The following AEBP2 variants were observed in gnomAD, a reference collection of about 807,000 sequenced individuals.
The protein encoded by AEBP2 is AE binding protein 2, also known as zinc finger protein AEBP2.
In AEBP2, 10 loss-of-function variants were observed where a neutral mutation model predicts 50.8. The ratio of observed to expected loss-of-function variants is 0.20; its 90% CI spans 0.12 to 0.33. The LOEUF (loss-of-function observed/expected upper bound fraction) is 0.33. Among genes scored for constraint, AEBP2 ranks in the 10% least tolerant of loss-of-function variants. The pLI, the probability that AEBP2 is intolerant of heterozygous loss-of-function variation, is 1.00. For missense variants in AEBP2, 570 were observed against 688.0 expected, an observed-to-expected ratio of 0.83 and a Z score of 1.92; for synonymous variants, 296 against 261.3, an observed-to-expected ratio of 1.13 and a Z score of -1.28.
intron 5 of AEBP2, among the ~76,000 whole-genome samples, chr12:19,510,281 A>G (rs187610059): frequency 1.6e-4 from 24 of 152,324 alleles, no homozygotes; most frequent in African/African-American, 5.8e-4. Context: ...GTACGGTGTA[A>G]TACATGCTAA....
intron 3 of AEBP2, among the ~76,000 whole-genome samples, chr12:19,478,158 G>T (rs1948678038): frequency 6.6e-6 from 1 of 152,046 alleles, no homozygotes; most frequent in Admixed American, 6.6e-5. Flanking sequence ...TTGTATTGTT[G>T]TTGTTCTTTT....
intron 3 of AEBP2, 35 bp from the exon 4 acceptor site, chr12:19,493,765 A>G (rs770440569): frequency 6.9e-6 from 11 of 1,600,554 alleles, no homozygotes; most frequent in Non-Finnish European, 9.4e-6. Flanking sequence ...CCTACACAGC[A>G]TGCCTGACGT....
At chr12:19,453,227 C>T (rs1037371036) in intron 1 of AEBP2, among the ~76,000 whole-genome samples, 1 of 152,064 alleles carries the variant, frequency 6.6e-6, no homozygotes, top group Admixed American at 6.5e-5. Context: ...CCTCAGCCTC[C>T]CAAAGTGCTG....
intron 3 of AEBP2, among the ~76,000 whole-genome samples, chr12:19,487,586 C>T (rs1948829439): frequency 6.6e-6 from 1 of 152,062 alleles, no homozygotes; most frequent in South Asian, 2.1e-4. Context: ...AGTGTGGTGG[C>T]ATGCACCTGT....
intron 1 of AEBP2, among the ~76,000 whole-genome samples, chr12:19,422,009 G>C (rs2095746091): frequency 6.6e-6 from 1 of 152,080 alleles, no homozygotes; most frequent in Admixed American, 6.6e-5. Context: ...GGGTGTGGTG[G>C]CTCGCACCTG....
chr12:19,513,926 A>T (rs1949275938), intron 6 of AEBP2, among the ~76,000 whole-genome samples: 1 of 142,184 alleles, frequency 7.0e-6, no homozygotes, highest in Non-Finnish European at 1.5e-5. Flanking sequence ...GTTTAGTCTT[A>T]CAGGGTTTTT....
At chr12:19,428,324 C>T (rs558232475) in intron 1 of AEBP2, among the ~76,000 whole-genome samples, 2 of 152,288 alleles carry the variant, frequency 1.3e-5, no homozygotes, top group East Asian at 3.9e-4. Context: ...GATGGCATTG[C>T]AAAATGAGGT....
intron 3 of AEBP2, among the ~76,000 whole-genome samples, chr12:19,484,250 A>ATTTTTTTTTTT: frequency 9.3e-6 from 1 of 107,504 alleles, no homozygotes; most frequent in African/African-American, 3.6e-5. Context: ...CGCCCAGCCA[A>ATTTTTTTTTTT]TTTTTTTTTT....
chr12:19,436,742 C>T (rs763617653), upstream of AEBP2, among the ~76,000 whole-genome samples: 6 of 151,762 alleles, frequency 4.0e-5, no homozygotes, highest in Non-Finnish European at 7.4e-5. Flanking sequence ...AGGTGCACAC[C>T]ACCACACCTG....
upstream of AEBP2, among the ~76,000 whole-genome samples, chr12:19,435,304 G>A (rs569896734): frequency 6.9e-6 from 1 of 145,348 alleles, no homozygotes; most frequent in Non-Finnish European, 1.5e-5. Flanking sequence ...TTCTTGAGAC[G>A]GTGTCATGCT....
At chr12:19,430,025 G>A (rs1480376124) in intron 1 of AEBP2, among the ~76,000 whole-genome samples, 1 of 152,000 alleles carries the variant, frequency 6.6e-6, no homozygotes, top group Non-Finnish European at 1.5e-5. Context: ...CATTGCTTTT[G>A]GTGTTTTAGA....
At chr12:19,484,070 T>TTTTG (rs1224139587) in intron 3 of AEBP2, among the ~76,000 whole-genome samples, 4 of 151,954 alleles carry the variant, frequency 2.6e-5, no homozygotes, top group South Asian at 2.1e-4. Context: ...CATTACATCT[T>TTTTG]TTTGTTTGTT....
At chr12:19,499,940 A>T (rs60996849) in intron 4 of AEBP2, among the ~76,000 whole-genome samples, 157 bp from the exon 5 acceptor site, 2 of 152,180 alleles carry the variant, frequency 1.3e-5, no homozygotes, top group Non-Finnish European at 2.9e-5. Context: ...GCTTTTGCAT[A>T]TTAGTCTTCT....
At chr12:19,407,798 C>T (rs752085212) in intron 1 of AEBP2, among the ~76,000 whole-genome samples, 11 of 152,146 alleles carry the variant, frequency 7.2e-5, no homozygotes, top group Non-Finnish European at 1.3e-4. Flanking sequence ...CCTGTAATCC[C>T]AGTACTTTGG....
chr12:19,511,507 G>A (rs372681056), intron 5 of AEBP2, among the ~76,000 whole-genome samples: 42 of 152,144 alleles, frequency 2.8e-4, no homozygotes, highest in Admixed American at 3.9e-4. Context: ...CTAAGTGCTC[G>A]GGGGAACTGT....
At chr12:19,407,413 C>T (rs1355248408) in intron 1 of AEBP2, among the ~76,000 whole-genome samples, 7 of 152,114 alleles carry the variant, frequency 4.6e-5, no homozygotes, top group African/African-American at 1.7e-4. Context: ...AAGCAATTCT[C>T]CTGCCTCAGC....
intron 1 of AEBP2, among the ~76,000 whole-genome samples, chr12:19,409,781 A>G (rs914291498): frequency 2.6e-5 from 4 of 152,216 alleles, no homozygotes; most frequent in African/African-American, 9.6e-5. Flanking sequence ...GGCTTTGCCT[A>G]GGAATCTTCT....
intron 3 of AEBP2, among the ~76,000 whole-genome samples, chr12:19,482,266 C>T (rs559807371): frequency 1.3e-5 from 2 of 152,244 alleles, no homozygotes; most frequent in African/African-American, 4.8e-5. Context: ...GATTCATCTT[C>T]AGGTCTCCGA....
In AEBP2 at chr12:19,520,978, A is replaced by G. The variant is rs910177497; in HGVS notation, c.*2861A>G. ...ATAAAATTACCTTCAGTCTATGTGTATAAGGTGTTTGTGAGATATAAATGA... is the reference window on the plus strand; with the variant it reads ...ATAAAATTACCTTCAGTCTATGTGTGTAAGGTGTTTGTGAGATATAAATGA... On this transcript the variant is annotated 3_prime_UTR_variant, in exon 8 of 8. Transcript: ENST00000266508. The G allele has an allele frequency of 6.6e-6, 1 of 152,218 alleles. No individual in the cohort carries two copies. The highest frequency in any genetic ancestry group is 6.5e-5 in the Admixed American group (1 of 15,282). 9.4% of individuals were successfully genotyped at this position (152,218 alleles called of 1,614,324 possible). A position where few individuals can be genotyped will look rare whatever the true frequency, so the allele number is the denominator to read the frequency against.
Sources: gnomAD v4.1 joint callset for allele counts (sites outside exome capture counted in the v4.1 genomes callset) on GRCh38, gnomAD v4.1.1 for gene constraint, MANE v1.5 for transcripts, NCBI Gene and HGNC (gene_info 2026-07-23, HGNC 2026-07-21) for gene names.